NALCN: variants seen among roughly 807,000 people sequenced by gnomAD.
NALCN encodes the protein sodium leak channel NALCN.
Under a neutral mutation model 225.3 loss-of-function variants are expected in NALCN, and 111 were observed. The ratio of observed to expected loss-of-function variants is 0.49; its 90% CI spans 0.42 to 0.58. NALCN has a LOEUF of 0.58. NALCN is among the 20% of genes least tolerant of loss of function. NALCN has a pLI of 0.00. For missense variants in NALCN, 1,378 were observed against 2,202.4 expected, an observed-to-expected ratio of 0.63 and a Z score of 7.49; for synonymous variants, 764 against 769.0, an observed-to-expected ratio of 0.99 and a Z score of 0.11.
chr13:101,100,903 T>C lies in NALCN; in HGVS notation c.3058-15A>G. Reference sequence around the variant, plus strand: ...AGAATGGAGACCTGAAAGAAATTGATGAAATGTTAAATCTCTTGTTAAAGA... The same window carrying C: ...AGAATGGAGACCTGAAAGAAATTGACGAAATGTTAAATCTCTTGTTAAAGA... On this transcript the variant is annotated splice_polypyrimidine_tract_variant and intron_variant, in intron 26 of 43. Transcript: ENST00000251127. 1.3e-6 allele frequency: 2 copies of C among 1,596,130 alleles called. No homozygotes were observed. Among genetic ancestry groups the C allele is most frequent in the East Asian group, 2.2e-5 (1 of 44,546 alleles).
chr13:101,191,453 C>T (rs995358885), intron 14 of NALCN, among the ~76,000 whole-genome samples: 8 of 152,066 alleles, frequency 5.3e-5, no homozygotes, highest in Admixed American at 5.2e-4. Context: ...GCACATAGCA[C>T]AAAACCACTG....
chr13:101,291,905 A>G (rs545642609), intron 9 of NALCN, 85 bp downstream of exon 9: 1 of 1,345,662 alleles, frequency 7.4e-7, no homozygotes, highest in East Asian at 2.4e-5. Flanking sequence ...CCATCATGCA[A>G]GAGCTTCCCC....
intron 10 of NALCN, among the ~76,000 whole-genome samples, chr13:101,261,244 C>A (rs1416202370): frequency 6.6e-6 from 1 of 152,066 alleles, no homozygotes; most frequent in African/African-American, 2.4e-5. Flanking sequence ...ATGGCAGTAC[C>A]ACGGCGTTTT....
At chr13:101,168,654 C>T (rs1006481722) in intron 15 of NALCN, among the ~76,000 whole-genome samples, 1 of 152,172 alleles carries the variant, frequency 6.6e-6, no homozygotes, top group Non-Finnish European at 1.5e-5. Context: ...ATTCTTCCAT[C>T]TCCAGTCTGG....
intron 12 of NALCN, among the ~76,000 whole-genome samples, chr13:101,234,781 C>T (rs993805793): frequency 2.0e-5 from 3 of 152,110 alleles, no homozygotes; most frequent in Non-Finnish European, 4.4e-5. Flanking sequence ...AAAGACAAAA[C>T]TGAAATTGCA....
intron 4 of NALCN, among the ~76,000 whole-genome samples, chr13:101,377,397 T>C (rs946339749): frequency 1.3e-5 from 2 of 152,144 alleles, no homozygotes; most frequent in Non-Finnish European, 2.9e-5. Flanking sequence ...CTTTTGAATA[T>C]CTAGAAAATA....
chr13:101,057,909 A>G (rs2031460849), intron 43 of NALCN, 30 bp downstream of exon 43: 10 of 1,551,674 alleles, frequency 6.4e-6, no homozygotes, highest in Non-Finnish European at 8.9e-6. Context: ...AAATGCCTCG[A>G]TCGCTGGAGA....
intron 13 of NALCN, among the ~76,000 whole-genome samples, chr13:101,227,470 C>T (rs1444244636): frequency 3.3e-5 from 5 of 152,142 alleles, no homozygotes; most frequent in African/African-American, 1.2e-4. Context: ...TCTGAGTCCC[C>T]ATCTCCTCCC....
intron 18 of NALCN, among the ~76,000 whole-genome samples, chr13:101,122,269 T>C (rs1232596268): frequency 3.9e-5 from 6 of 152,170 alleles, no homozygotes; most frequent in Non-Finnish European, 8.8e-5. Flanking sequence ...ACAAAATGGC[T>C]TTCTAAGATC....
intron 7 of NALCN, among the ~76,000 whole-genome samples, chr13:101,293,826 C>A (rs2043636895): frequency 6.6e-6 from 1 of 152,190 alleles, no homozygotes; most frequent in South Asian, 2.1e-4. Flanking sequence ...TTAATGTGTG[C>A]TAATATACTT....
chr13:101,212,980 C>T (rs1216692499), intron 13 of NALCN, among the ~76,000 whole-genome samples: 1 of 152,122 alleles, frequency 6.6e-6, no homozygotes, highest in African/African-American at 2.4e-5. Context: ...AAAGAGCCCG[C>T]ATTGCCAAGA....
At chr13:101,179,982 TTC>T (rs1339090844) in intron 14 of NALCN, among the ~76,000 whole-genome samples, 8 of 152,230 alleles carry the variant, frequency 5.3e-5, no homozygotes, top group Non-Finnish European at 5.9e-5. Context: ...TCACAAGGCT[TTC>T]TCTCTGTGTC....
At chr13:101,233,226 T>C (rs138758306) in intron 12 of NALCN, among the ~76,000 whole-genome samples, 2 of 152,320 alleles carry the variant, frequency 1.3e-5, no homozygotes, top group Non-Finnish European at 2.9e-5. Context: ...CACATTTTCC[T>C]GGTCACATTT....
Position 101,157,883 on chromosome 13 carries a change from G to A in NALCN, c.1840-12987C>T, listed in dbSNP as rs1263885068. Among the ~76,000 whole-genome samples the A allele has an allele frequency of 2.6e-5, 4 of 151,840 alleles. No individual in the cohort carries two copies. The East Asian group carries it at 7.7e-4, about 29-fold the overall frequency. ...TTCTCCTGCCTCAGCTTCCTGAGTA[G>A]CTGGGATTATAGGCAGGCGCCACCA... On this transcript the variant is annotated intron_variant, in intron 15 of 43. Coordinates refer to ENST00000251127, the MANE Select transcript of NALCN (RefSeq NM_052867.4).
intron 1 of NALCN, among the ~76,000 whole-genome samples, chr13:101,407,751 T>C (rs904591564): frequency 6.6e-6 from 1 of 152,266 alleles, no homozygotes; most frequent in East Asian, 1.9e-4. Flanking sequence ...GGGAGAGAAA[T>C]GGTGAAGCAT....
intron 10 of NALCN, among the ~76,000 whole-genome samples, chr13:101,269,104 C>T (rs539665695): frequency 6.6e-6 from 1 of 152,070 alleles, no homozygotes; most frequent in Admixed American, 6.6e-5. Context: ...ATGAAGTGTT[C>T]ACTTTGCTTA....
intron 1 of NALCN, among the ~76,000 whole-genome samples, chr13:101,401,038 C>T (rs1254749758): frequency 2.6e-5 from 4 of 152,142 alleles, no homozygotes; most frequent in African/African-American, 4.8e-5. Flanking sequence ...AACCTCTTTC[C>T]TTTATAAATT....
intron 15 of NALCN, among the ~76,000 whole-genome samples, chr13:101,159,312 A>G (rs1216001651): frequency 6.6e-6 from 1 of 152,074 alleles, no homozygotes; most frequent in Non-Finnish European, 1.5e-5. Context: ...CTCAGAGGAG[A>G]TTACTTATCT....
intron 14 of NALCN, among the ~76,000 whole-genome samples, chr13:101,178,491 A>G (rs1366821009): frequency 1.3e-5 from 2 of 152,132 alleles, no homozygotes; most frequent in Admixed American, 1.3e-4. Context: ...TAAGCTTCTC[A>G]CCAGTTCTAC....
Sources: gnomAD v4.1 joint callset for allele counts (sites outside exome capture counted in the v4.1 genomes callset) on GRCh38, gnomAD v4.1.1 for gene constraint, MANE v1.5 for transcripts, NCBI Gene and HGNC (gene_info 2026-07-23, HGNC 2026-07-21) for gene names.